DAPK1: variants seen among roughly 807,000 people sequenced by gnomAD.
DAPK1 encodes the protein death associated protein kinase 1, also known as death-associated protein kinase 1.
DAPK1 carries 56 observed loss-of-function variants against 144.9 expected under a neutral mutation model. That is an observed-to-expected ratio of 0.39 (90% CI 0.31 to 0.48). DAPK1 has a LOEUF of 0.48. Ranked by LOEUF, DAPK1 falls within the 20% of genes least tolerant of loss-of-function variation. The probability of loss-of-function intolerance (pLI) is 0.95; values close to 1 mark genes in which losing one functional copy is unlikely to be tolerated. For missense variants in DAPK1, 1,454 were observed against 1,875.4 expected, an observed-to-expected ratio of 0.78 and a Z score of 4.15; for synonymous variants, 690 against 749.0, an observed-to-expected ratio of 0.92 and a Z score of 1.29.
intron 2 of DAPK1, among the ~76,000 whole-genome samples, chr9:87,532,371 G>A (rs898505356): frequency 6.6e-6 from 1 of 152,178 alleles, no homozygotes; most frequent in African/African-American, 2.4e-5. Context: ...TTGGTCTCTG[G>A]TTGCTTTTGC....
rs1415980618 is a variant in DAPK1, at chr9:87,648,767, C to T, written c.1330-14C>T. Reference sequence around the variant, plus strand: ...AGATGTGGCTCTGAATCACCGGCTCCTTTTCTTCTGCAGTCTGGAGAGATG... The same window carrying T: ...AGATGTGGCTCTGAATCACCGGCTCTTTTTCTTCTGCAGTCTGGAGAGATG... On this transcript the variant is annotated splice_polypyrimidine_tract_variant and intron_variant, in intron 14 of 25. Coordinates refer to ENST00000408954, the MANE Select transcript of DAPK1 (RefSeq NM_004938.4). 6.2e-7 allele frequency: 1 copy of T among 1,612,308 alleles called. No individual in the cohort carries two copies. The highest frequency in any genetic ancestry group is 8.5e-7 in the Non-Finnish European group (1 of 1,178,288).
chr9:87,595,452 G>T (rs192546775), intron 2 of DAPK1, among the ~76,000 whole-genome samples: 1 of 152,312 alleles, frequency 6.6e-6, no homozygotes, highest in East Asian at 1.9e-4. Flanking sequence ...GAACAAGGGG[G>T]AGTGAATGAA....
rs36231966 is a variant in DAPK1, at chr9:87,550,489, G to A, written c.62+51350G>A. Among the ~76,000 whole-genome samples, 56 of 152,348 alleles carry A rather than the reference G, an allele frequency of 3.7e-4. 1 individual carries two copies. The East Asian group carries it at 9.3e-3, about 25-fold the overall frequency. On this transcript the variant is annotated intron_variant, in intron 2 of 25. Coordinates refer to ENST00000408954, the MANE Select transcript of DAPK1 (RefSeq NM_004938.4). ...CCTGGAAGTTCTTTGCCTTGTGGCAGCATAATTCCAGTCTGCACATGGCAT... is the reference window on the plus strand; with the variant it reads ...CCTGGAAGTTCTTTGCCTTGTGGCAACATAATTCCAGTCTGCACATGGCAT...
At chr9:87,590,326 A>G (rs17053167) in intron 2 of DAPK1, among the ~76,000 whole-genome samples, 14,741 of 150,232 alleles carry the variant, frequency 0.098, 1,365 homozygotes, top group African/African-American at 0.24. Flanking sequence ...TTCCACCTTA[A>G]CAGTGTTTTC....
intron 2 of DAPK1, chr9:87,554,233 T>C (rs1290908362): frequency 6.6e-6 from 1 of 152,220 alleles, no homozygotes; most frequent in Non-Finnish European, 1.5e-5. Context: ...GATTTTGCCA[T>C]TAGTAATCTC....
intron 3 of DAPK1, among the ~76,000 whole-genome samples, chr9:87,634,450 A>G (rs531622149): frequency 6.6e-6 from 1 of 152,248 alleles, no homozygotes; most frequent in African/African-American, 2.4e-5. Context: ...TACTTCTTGC[A>G]TCTTACCTGA....
At chr9:87,606,612 C>CCT (rs1408153333) in intron 3 of DAPK1, among the ~76,000 whole-genome samples, 1 of 119,128 alleles carries the variant, frequency 8.4e-6, no homozygotes, top group African/African-American at 3.1e-5. Flanking sequence ...TCCCTCCCTC[C>CCT]CTCTCTCTCT....
intron 2 of DAPK1, among the ~76,000 whole-genome samples, chr9:87,601,401 T>C (rs1240403708): frequency 6.6e-6 from 1 of 152,146 alleles, no homozygotes; most frequent in East Asian, 1.9e-4. Flanking sequence ...TGAGCAGTTA[T>C]AAGTGGCAAC....
intron 19 of DAPK1, among the ~76,000 whole-genome samples, chr9:87,669,842 A>G (rs1458072265): frequency 1.3e-5 from 2 of 152,146 alleles, no homozygotes; most frequent in African/African-American, 2.4e-5. Context: ...ATATATGCAT[A>G]TTAAAACCCC....
chr9:87,663,891 T>C (rs900361593), intron 18 of DAPK1, among the ~76,000 whole-genome samples: 12 of 151,790 alleles, frequency 7.9e-5, no homozygotes, highest in Non-Finnish European at 1.8e-4. Flanking sequence ...TCTTACTCTC[T>C]CCTCACCTAT....
chr9:87,610,670 T>C (rs1182628887), intron 3 of DAPK1, among the ~76,000 whole-genome samples: 1 of 152,228 alleles, frequency 6.6e-6, no homozygotes, highest in African/African-American at 2.4e-5. Flanking sequence ...TGAGGATGGT[T>C]GGCCTCCATG....
chr9:87,550,160 T>C (rs907995285), intron 2 of DAPK1, among the ~76,000 whole-genome samples: 12 of 152,204 alleles, frequency 7.9e-5, no homozygotes, highest in Admixed American at 7.2e-4. Context: ...CCTAGAGAGT[T>C]CTCTCTTGCC....
At chr9:87,690,711 T>C (rs964626589) in intron 21 of DAPK1, among the ~76,000 whole-genome samples, 2 of 152,104 alleles carry the variant, frequency 1.3e-5, no homozygotes, top group African/African-American at 4.8e-5. Flanking sequence ...CTTTATTATG[T>C]TGAGATATGT....
At position 87,659,053 on chromosome 9, in the gene DAPK1, A is replaced by G. The variant is rs191854186; in HGVS notation, c.1923+926A>G. Among the ~76,000 whole-genome samples, 450 of 152,338 alleles carry G rather than the reference A, an allele frequency of 3.0e-3. 1 individual carries two copies. Among genetic ancestry groups the G allele is most frequent in the African/African-American group, 0.01 (430 of 41,582 alleles). ...TGGCGGCTTCCACGCCAGGTGTCAGAGCTGAGCAGCTGTGACAGAGACCAT... is the reference window on the plus strand; with the variant it reads ...TGGCGGCTTCCACGCCAGGTGTCAGGGCTGAGCAGCTGTGACAGAGACCAT... On this transcript the variant is annotated intron_variant, in intron 18 of 25. Coordinates refer to ENST00000408954, the MANE Select transcript of DAPK1 (RefSeq NM_004938.4).
chr9:87,562,288 C>T (rs1441580102), intron 2 of DAPK1, among the ~76,000 whole-genome samples: 1 of 152,228 alleles, frequency 6.6e-6, no homozygotes, highest in Non-Finnish European at 1.5e-5. Context: ...CAATAGCGAA[C>T]GTGAGTTAGT....
chr9:87,648,754 G>A (rs1164523723), intron 14 of DAPK1, 27 bp from the exon 15 acceptor site: 9 of 1,597,960 alleles, frequency 5.6e-6, no homozygotes, highest in Non-Finnish European at 7.7e-6. Context: ...ATGTGGCTCT[G>A]AATCACCGGC....
Position 87,535,768 on chromosome 9 carries a change from A to G in DAPK1, c.62+36629A>G, listed in dbSNP as rs36231435. On this transcript the variant is annotated intron_variant, in intron 2 of 25. Coordinates refer to ENST00000408954, the MANE Select transcript of DAPK1 (RefSeq NM_004938.4). ...TATTTTAAATAAAGTAGGCAACGGT[A>G]TAGTAATATCCTTCCCCCAAGACAC... is the stretch of plus-strand genomic sequence containing the variant. 6.1e-3 allele frequency among the ~76,000 whole-genome samples: 932 copies of G among 152,344 alleles called. 14 individuals are homozygous for G. Among genetic ancestry groups the G allele is most frequent in the East Asian group, 0.041 (211 of 5,186 alleles).
At chr9:87,606,956 G>C (rs1828753293) in intron 3 of DAPK1, among the ~76,000 whole-genome samples, 1 of 151,418 alleles carries the variant, frequency 6.6e-6, no homozygotes, top group African/African-American at 2.4e-5. Flanking sequence ...CTACCTACTA[G>C]ATTCCAGTAG....
At chr9:87,692,951 AC>A (rs1825116980) in intron 21 of DAPK1, among the ~76,000 whole-genome samples, 1 of 40,182 alleles carries the variant, frequency 2.5e-5, no homozygotes, top group African/African-American at 7.8e-5. Flanking sequence ...AAGTGACTAG[AC>A]TTTTTTTTTT....
Sources: allele counts gnomAD v4.1 joint callset (sites outside exome capture counted in the v4.1 genomes callset), GRCh38; gene constraint gnomAD v4.1.1; transcripts MANE v1.5; gene names NCBI Gene and HGNC (gene_info 2026-07-23, HGNC 2026-07-21).